KHDRBS2: variants seen among roughly 807,000 people sequenced by gnomAD.
KHDRBS2 encodes KH RNA binding domain containing, signal transduction associated 2.
In KHDRBS2, 26 loss-of-function variants were observed where a neutral mutation model predicts 44.3. The observed-to-expected ratio is 0.59, with a 90% CI of 0.43 to 0.81. The LOEUF is 0.81. KHDRBS2 is among the 40% of genes least tolerant of loss of function. The pLI is 0.00. For synonymous variants in KHDRBS2, 194 were observed against 151.1 expected (o/e 1.28, Z -2.08); for missense variants, 476 against 433.1 (o/e 1.10, Z -0.88).
At chr6:62,042,440 G>A (rs1264849300) in intron 3 of KHDRBS2, among the ~76,000 whole-genome samples, 1 of 152,070 alleles carries the variant, frequency 6.6e-6, no homozygotes, top group African/African-American at 2.4e-5. Context: ...TAAAATGAAA[G>A]TCAGGGTGTC....
chr6:62,059,710 T>A (rs1206812886), intron 2 of KHDRBS2, among the ~76,000 whole-genome samples: 1 of 151,628 alleles, frequency 6.6e-6, no homozygotes, highest in Non-Finnish European at 1.5e-5. Context: ...GAGAGATAAA[T>A]CTAAGATGAA....
chr6:62,058,603 G>A (rs1233452859), intron 2 of KHDRBS2, among the ~76,000 whole-genome samples: 2 of 151,836 alleles, frequency 1.3e-5, no homozygotes, highest in Non-Finnish European at 2.9e-5. Context: ...TATAAATAGA[G>A]AGGAAATGAC....
chr6:62,017,634 T>C (rs1450243823), intron 3 of KHDRBS2, among the ~76,000 whole-genome samples: 1 of 152,110 alleles, frequency 6.6e-6, no homozygotes, highest in African/African-American at 2.4e-5. Context: ...GATGATCTTT[T>C]TTCCCCATTT....
the KHDRBS2 span, among the ~76,000 whole-genome samples, chr6:61,672,857 C>A: frequency 5.3e-5 from 8 of 151,184 alleles, no homozygotes; most frequent in African/African-American, 1.9e-4. Flanking sequence ...TTAATTAGAT[C>A]CCATTTGTCA....
intron 1 of KHDRBS2, among the ~76,000 whole-genome samples, chr6:62,183,966 T>C (rs1337124179): frequency 6.6e-6 from 1 of 151,714 alleles, no homozygotes; most frequent in Non-Finnish European, 1.5e-5. Context: ...ATTTAAATAA[T>C]ATCACCAAGT....
chr6:61,843,844 T>A (rs1793969659), intron 6 of KHDRBS2, among the ~76,000 whole-genome samples: 1 of 152,270 alleles, frequency 6.6e-6, no homozygotes, highest in South Asian at 2.1e-4. Context: ...CAAGATTTAG[T>A]TTTTAATATA....
intron 6 of KHDRBS2, among the ~76,000 whole-genome samples, chr6:61,760,686 G>T (rs1439541143): frequency 6.6e-6 from 1 of 152,056 alleles, no homozygotes; most frequent in Non-Finnish European, 1.5e-5. Context: ...CAATGGAATA[G>T]AAAATTATAC....
chr6:62,149,930 T>C (rs1456397816), intron 2 of KHDRBS2, among the ~76,000 whole-genome samples: 2 of 152,198 alleles, frequency 1.3e-5, no homozygotes, highest in East Asian at 3.8e-4. Context: ...CTAATTCAAC[T>C]GAACTCCTTT....
chr6:61,605,775 T>G, the KHDRBS2 span, among the ~76,000 whole-genome samples: 19 of 152,078 alleles, frequency 1.2e-4, no homozygotes, highest in African/African-American at 3.6e-4. Flanking sequence ...ACCCCAACAC[T>G]TTACCACTAT....
intron 3 of KHDRBS2, among the ~76,000 whole-genome samples, chr6:62,008,484 T>C (rs1001515597): frequency 1.7e-4 from 26 of 152,206 alleles, no homozygotes; most frequent in African/African-American, 5.8e-4. Flanking sequence ...ATTATCCTTA[T>C]TACAAGTCTA....
intron 2 of KHDRBS2, among the ~76,000 whole-genome samples, chr6:62,146,327 T>G (rs966847903): frequency 2.0e-5 from 3 of 151,916 alleles, no homozygotes; most frequent in African/African-American, 4.8e-5. Flanking sequence ...GATCCAAGGT[T>G]GTATCTTGGA....
chr6:62,044,475 C>T (rs1787236674), intron 3 of KHDRBS2, among the ~76,000 whole-genome samples: 1 of 149,970 alleles, frequency 6.7e-6, no homozygotes, highest in Admixed American at 6.6e-5. Flanking sequence ...CCAGCCTGGG[C>T]AACAGAATGA....
intron 2 of KHDRBS2, among the ~76,000 whole-genome samples, chr6:62,095,293 T>C (rs139335559): frequency 2.6e-5 from 4 of 151,956 alleles, no homozygotes; most frequent in African/African-American, 9.6e-5. Context: ...ATGAAAGATA[T>C]ATAATGAAAT....
chr6:61,774,655 C>G (rs1437798418), intron 6 of KHDRBS2, among the ~76,000 whole-genome samples: 1 of 152,054 alleles, frequency 6.6e-6, no homozygotes, highest in Non-Finnish European at 1.5e-5. Flanking sequence ...TAATCAATAG[C>G]TTACAAACCA....
At chr6:62,060,874 T>C (rs1426876073) in intron 2 of KHDRBS2, among the ~76,000 whole-genome samples, 1 of 151,882 alleles carries the variant, frequency 6.6e-6, no homozygotes, top group East Asian at 1.9e-4. Context: ...TTAATCAATA[T>C]ATGCCCCAGA....
At chr6:61,592,074 C>T in the KHDRBS2 span, among the ~76,000 whole-genome samples, 1 of 151,250 alleles carries the variant, frequency 6.6e-6, no homozygotes, top group South Asian at 2.1e-4. Context: ...GTCTGTAGTC[C>T]CAGTGACTCT....
At chr6:61,602,610 C>T in the KHDRBS2 span, among the ~76,000 whole-genome samples, 4 of 152,272 alleles carry the variant, frequency 2.6e-5, 1 homozygote, top group East Asian at 7.7e-4. Flanking sequence ...GCCCCCTACA[C>T]CATCACTGAC....
chr6:61,615,669 A>G, the KHDRBS2 span, among the ~76,000 whole-genome samples: 2 of 152,208 alleles, frequency 1.3e-5, no homozygotes, highest in Non-Finnish European at 2.9e-5. Flanking sequence ...AAACATTTTG[A>G]GTGCCAACAT....
At chr6:61,843,339 ATT>A (rs1241941867) in intron 6 of KHDRBS2, among the ~76,000 whole-genome samples, 1 of 109,684 alleles carries the variant, frequency 9.1e-6, no homozygotes, top group Non-Finnish European at 1.8e-5. Context: ...AATTATATCT[ATT>A]TTATTATTAT....
Sources: gnomAD v4.1 joint callset for allele counts (sites outside exome capture counted in the v4.1 genomes callset) on GRCh38, gnomAD v4.1.1 for gene constraint, MANE v1.5 for transcripts, NCBI Gene and HGNC (gene_info 2026-07-23, HGNC 2026-07-21) for gene names.